The following ZNF678 variants were observed in gnomAD, a reference collection of about 807,000 sequenced individuals.
ZNF678 encodes the protein zinc finger protein 678, also known as hypothetical protein MGC42493.
In ZNF678, 5 loss-of-function variants were observed where a neutral mutation model predicts 3.0. The ratio of observed to expected loss-of-function variants is 1.69; its 90% CI spans 0.88 to 3.56. ZNF678 has a LOEUF of 3.56. ZNF678 is among the 30% of genes most tolerant of loss of function. The pLI is 0.00. For synonymous variants in ZNF678, 218 were observed against 199.6 expected (o/e 1.09, Z -0.78); for missense variants, 593 against 605.0 (o/e 0.98, Z 0.21).
At chr1:227,611,199 C>A (rs1658010502) in intron 1 of ZNF678, among the ~76,000 whole-genome samples, 1 of 152,156 alleles carries the variant, frequency 6.6e-6, no homozygotes, top group African/African-American at 2.4e-5. Flanking sequence ...CCTAGCTGCC[C>A]TCTGACTTCC....
At chr1:227,639,461 G>A (rs997789170) in intron 1 of ZNF678, among the ~76,000 whole-genome samples, 6 of 152,226 alleles carry the variant, frequency 3.9e-5, no homozygotes, top group African/African-American at 7.2e-5. Flanking sequence ...CAAATATCAG[G>A]GTTGGATTGG....
intron 1 of ZNF678, among the ~76,000 whole-genome samples, chr1:227,618,654 G>A (rs376344480): frequency 6.6e-6 from 1 of 152,138 alleles, no homozygotes; most frequent in Non-Finnish European, 1.5e-5. Flanking sequence ...GTATGTGTCT[G>A]GCTTTTTGCT....
In ZNF678 at chr1:227,655,024, T is replaced by A; in HGVS notation, c.774T>A (p.Ile258=). The A allele has an allele frequency of 1.2e-6, 2 of 1,612,216 alleles. No individual in the cohort carries two copies. The highest frequency in any genetic ancestry group is 1.7e-6 in the Non-Finnish European group (2 of 1,179,386). Residue 258 remains isoleucine (I), a synonymous_variant, in exon 4 of 4, where the codon ATT becomes ATA. Coordinates refer to ENST00000343776, the MANE Select transcript of ZNF678 (RefSeq NM_001367909.1). ...KFSNLTQHKR[I]HTGEKPYKCE... ...CAAACCTTACTCAACATAAGAGAAT[T>A]CATACTGGAGAGAAACCTTACAAGT...
At chr1:227,673,652 T>C (rs1659636705) in intron 5 of ZNF678, among the ~76,000 whole-genome samples, 1 of 152,172 alleles carries the variant, frequency 6.6e-6, no homozygotes, top group South Asian at 2.1e-4. Flanking sequence ...CTAAAACTAT[T>C]CCTCTGGGTA....
At chr1:227,576,319 G>A (rs997400091) in intron 1 of ZNF678, among the ~76,000 whole-genome samples, 3 of 152,204 alleles carry the variant, frequency 2.0e-5, no homozygotes, top group African/African-American at 7.2e-5. Context: ...GTTTCAGCAG[G>A]AATGGAACCA....
chr1:227,606,522 TGCCGGAATCAGAG>T (rs1339464625), intron 1 of ZNF678, among the ~76,000 whole-genome samples: 12 of 152,314 alleles, frequency 7.9e-5, no homozygotes, highest in Non-Finnish European at 1.2e-4. Flanking sequence ...CCCAGGGACA[TGCCGGAATCAGAG>T]GCCTTCCTCT....
At chr1:227,641,651 C>T (rs1658823810) in intron 1 of ZNF678, among the ~76,000 whole-genome samples, 1 of 151,920 alleles carries the variant, frequency 6.6e-6, no homozygotes, top group Non-Finnish European at 1.5e-5. Context: ...TTTGGGGCGT[C>T]CAGTCACATC....
chr1:227,617,189 C>G (rs755805373), intron 1 of ZNF678, among the ~76,000 whole-genome samples: 1 of 152,174 alleles, frequency 6.6e-6, no homozygotes, highest in Non-Finnish European at 1.5e-5. Context: ...CATGTGCCAC[C>G]AGGTTATCAT....
intron 1 of ZNF678, among the ~76,000 whole-genome samples, chr1:227,607,810 A>T (rs1255836596): frequency 6.8e-6 from 1 of 147,616 alleles, no homozygotes; most frequent in Non-Finnish European, 1.5e-5. Context: ...TTATTTAGTT[A>T]TATATTCAAA....
Position 227,655,507 on chromosome 1 carries a change from C to G in ZNF678, c.1257C>G (p.His419Gln). 1.2e-6 allele frequency: 2 copies of G among 1,612,434 alleles called. No homozygotes were observed. The highest frequency in any genetic ancestry group is 1.7e-6 in the Non-Finnish European group (2 of 1,179,350). The change falls in exon 4 of 4, where the codon CAC becomes CAG. Residue 419 changes from histidine to glutamine, a missense_variant. By Grantham distance (24) the His-to-Gln change is conservative (BLOSUM62 0). Coordinates refer to ENST00000343776, the MANE Select transcript of ZNF678 (RefSeq NM_001367909.1). ...ECGKVFKQCS[H>Q]LTSHKRIHTG... The stretch of plus-strand genomic sequence containing the variant: ...GGAAAGTTTTTAAACAGTGCTCTCA[C>G]CTAACTAGCCATAAGAGAATTCATA...
chr1:227,641,979 T>C (rs974411095), intron 1 of ZNF678, among the ~76,000 whole-genome samples: 6 of 152,196 alleles, frequency 3.9e-5, no homozygotes, highest in Non-Finnish European at 8.8e-5. Context: ...CTCAAAGACC[T>C]AAATCTGCAG....
intron 1 of ZNF678, among the ~76,000 whole-genome samples, chr1:227,608,282 T>C (rs1388291197): frequency 6.6e-6 from 1 of 152,144 alleles, no homozygotes; most frequent in Non-Finnish European, 1.5e-5. Flanking sequence ...ACTGATTTTT[T>C]TTTTAAGGAT....
At chr1:227,617,829 A>C (rs1658178650) in intron 1 of ZNF678, among the ~76,000 whole-genome samples, 1 of 152,188 alleles carries the variant, frequency 6.6e-6, no homozygotes, top group African/African-American at 2.4e-5. Flanking sequence ...TGTGAACCAA[A>C]GTGTGATCCC....
chr1:227,654,313 C>A, intron 3 of ZNF678, 23 bp from the exon 4 acceptor site: 1 of 1,479,792 alleles, frequency 6.8e-7, no homozygotes, highest in Non-Finnish European at 9.0e-7. Flanking sequence ...AGAAGAATAA[C>A]TTTTTATTTT....
intron 2 of ZNF678, among the ~76,000 whole-genome samples, chr1:227,650,268 T>C (rs926776113): frequency 2.6e-5 from 4 of 152,218 alleles, no homozygotes; most frequent in Admixed American, 2.0e-4. Flanking sequence ...GCAACTATCT[T>C]TTGTGCATTG....
intron 1 of ZNF678, among the ~76,000 whole-genome samples, chr1:227,587,359 A>G (rs1657288526): frequency 6.6e-6 from 1 of 152,154 alleles, no homozygotes; most frequent in Admixed American, 6.5e-5. Flanking sequence ...AAAACAAAAC[A>G]AAAGACATAC....
intron 1 of ZNF678, among the ~76,000 whole-genome samples, chr1:227,578,243 AC>A (rs1419381423): frequency 1.3e-5 from 2 of 152,128 alleles, no homozygotes; most frequent in African/African-American, 4.8e-5. Flanking sequence ...GATGTGTCTT[AC>A]TGGTGCGTTC....
At chr1:227,583,989 C>CA (rs1657197835) in intron 1 of ZNF678, among the ~76,000 whole-genome samples, 1 of 152,278 alleles carries the variant, frequency 6.6e-6, no homozygotes, top group East Asian at 1.9e-4. Flanking sequence ...TGTTGCTGCC[C>CA]AAGACCTCAA....
Position 227,655,468 on chromosome 1 carries a change from A to G in ZNF678, c.1218A>G (p.Lys406=), listed in dbSNP as rs1659216303. The G allele has an allele frequency of 6.2e-7, 1 of 1,612,254 alleles. No homozygotes were observed. Among genetic ancestry groups the G allele is most frequent in the Non-Finnish European group, 8.5e-7 (1 of 1,179,146 alleles). ...RRIHTGVKPY[K]CEECGKVFKQ... ...TTCATACTGGAGTGAAACCCTACAA[A>G]TGTGAAGAATGTGGGAAAGTTTTTA... The change falls in exon 4 of 4, where the codon AAA becomes AAG. Residue 406 remains lysine (K), a synonymous_variant. Coordinates refer to ENST00000343776, the MANE Select transcript of ZNF678 (RefSeq NM_001367909.1).
Sources: gnomAD v4.1 joint callset for allele counts (sites outside exome capture counted in the v4.1 genomes callset) on GRCh38, gnomAD v4.1.1 for gene constraint, MANE v1.5 for transcripts, NCBI Gene and HGNC (gene_info 2026-07-23, HGNC 2026-07-21) for gene names.